Variants in ASPG observed in about 807,000 individuals in gnomAD.
ASPG encodes 60 kDa lysophospholipase.
ASPG carries 53 observed loss-of-function variants against 63.2 expected under a neutral mutation model. That is an observed-to-expected ratio of 0.84 (90% CI 0.67 to 1.05). ASPG has a LOEUF of 1.05. Ranked by LOEUF, ASPG falls within the 50% of genes least tolerant of loss-of-function variation. The pLI is 0.00. For missense variants in ASPG, 741 were observed against 794.4 expected (o/e 0.93, Z 0.81); for synonymous variants, 370 against 355.0 (o/e 1.04, Z -0.48).
At chr14:104,103,480 C>T in intron 6 of ASPG, 83 bp from the exon 7 acceptor site, 3 of 1,219,812 alleles carry the variant, frequency 2.5e-6, no homozygotes, top group East Asian at 2.6e-5. Flanking sequence ...AGGAGGCGGC[C>T]TGTGCAGAGG....
chr14:104,100,197 G>A (rs1395134035), intron 6 of ASPG, among the ~76,000 whole-genome samples: 1 of 152,190 alleles, frequency 6.6e-6, no homozygotes, highest in East Asian at 1.9e-4. Context: ...CAAGGACCCT[G>A]GGGAGCTTCA....
intron 2 of ASPG, 110 bp from the exon 3 acceptor site, chr14:104,093,381 A>G (rs1219729438): frequency 1.0e-6 from 1 of 997,462 alleles, no homozygotes. Context: ...CCCTTGGCGT[A>G]GGGGCCCCAG....
intron 11 of ASPG, 44 bp from the exon 12 acceptor site, chr14:104,107,138 G>T (rs965108108): frequency 3.3e-6 from 5 of 1,525,010 alleles, no homozygotes; most frequent in Middle Eastern, 1.8e-4. Context: ...ACCTGGCCCC[G>T]CCTGGGTCTC....
In ASPG at chr14:104,098,101, GCGTTAGAGATGCGTATGGAGGTTCTC is replaced by G. The variant is rs2036701989; in HGVS notation, c.513+475_513+500del. On this transcript the variant is annotated intron_variant, in intron 5 of 15. Transcript: ENST00000551177. ...CGTTAGAGATGCGTATGGAGGTTCTGCGTTAGAGATGCGTATGGAGGTTCTCCGTTAGAGATACGTATGGAGGTTCT... is the reference window on the plus strand; with the variant it reads ...CGTTAGAGATGCGTATGGAGGTTCTGCGTTAGAGATACGTATGGAGGTTCT... Among the ~76,000 whole-genome samples, 10 of 9,290 alleles carry G rather than the reference GCGTTAGAGATGCGTATGGAGGTTCTC, an allele frequency of 1.1e-3. 1 individual carries two copies. Among genetic ancestry groups the G allele is most frequent in the Admixed American group, 5.4e-3 (4 of 742 alleles). The allele number at this position is 9,290 out of a possible 152,430, so 6.1% of individuals were successfully genotyped here.
At position 104,112,772 on chromosome 14, in the gene ASPG, G is replaced by A; in HGVS notation, c.*228G>A. ...GGGTCCGGGACTGTGGATGTGTGTG[G>A]GGAGTCAGGCCCAGGCTCTGTGGGG... On this transcript the variant is annotated 3_prime_UTR_variant, in exon 16 of 16. Transcript: ENST00000551177. The A allele has an allele frequency of 2.0e-6, 2 of 989,432 alleles. No individual in the cohort carries two copies. Among genetic ancestry groups the A allele is most frequent in the South Asian group, 1.7e-5 (1 of 60,318 alleles). The allele number at this position is 989,432 out of a possible 1,614,324, so 61.3% of individuals were successfully genotyped here. A position where few individuals can be genotyped will look rare whatever the true frequency, so the allele number is the denominator to read the frequency against.
At position 104,109,530 on chromosome 14, in the gene ASPG, G is replaced by GCAAA. The variant is rs2037294682; in HGVS notation, c.1520+216_1520+217insAAAC. Among the ~76,000 whole-genome samples, 2 of 152,128 alleles carry GCAAA rather than the reference G, an allele frequency of 1.3e-5. No individual in the cohort carries two copies. Among genetic ancestry groups the GCAAA allele is most frequent in the Admixed American group, 1.3e-4 (2 of 15,282 alleles). On this transcript the variant is annotated intron_variant, in intron 13 of 15. Transcript: ENST00000551177. This position sits in a 1 kb window ranked among gnomAD's most constrained non-coding sequence, Gnocchi z 4.8. ...AGGGGAAGGAGTTGTTCTCAGCTGA[G>GCAAA]CGAACAGTCCAGCAAGGGTGTCTCT... is the stretch of plus-strand genomic sequence containing the variant.
Position 104,107,311 on chromosome 14 carries a change from G to A in ASPG, c.1399G>A (p.Gly467Ser), listed in dbSNP as rs756924015. Residue 467 changes from glycine (G) to serine (S), a missense_variant, in exon 12 of 16, where the codon GGC (glycine) becomes AGC (serine). Transcript: ENST00000551177. ...GGACGTGAACACCCGGGACACGGAT[G>A]GCTTCAGCCCGCTGCTGCTGGCCGT... ...GVDVNTRDTD[G>S]FSPLLLAVRG... 10 of 1,600,438 alleles carry A rather than the reference G, an allele frequency of 6.2e-6. No individual in the cohort carries two copies. In the South Asian group the frequency reaches 1.1e-4, roughly 18 times the overall value.
chr14:104,107,083 G>A, intron 11 of ASPG, 99 bp from the exon 12 acceptor site: 17 of 1,449,540 alleles, frequency 1.2e-5, no homozygotes, highest in East Asian at 2.4e-5. Flanking sequence ...CGCAGGGGCT[G>A]TGCTGGGCCC....
chr14:104,095,615 C>G lies in ASPG; in HGVS notation c.388C>G (p.Leu130Val). 1 of 1,613,100 alleles carries G rather than the reference C, an allele frequency of 6.2e-7. No individual in the cohort carries two copies. The highest frequency in any genetic ancestry group is 1.3e-5 in the African/African-American group (1 of 75,034). ...AFAASMLSFM[L>V]ENLQKTVILT... ...TGCTGCCTCGATGCTGTCCTTCATG[C>G]TGGAGAACCTGCAGAAGACTGTCAT... is the stretch of plus-strand genomic sequence containing the variant. The change falls in exon 4 of 16, where the codon CTG becomes GTG. Residue 130 changes from leucine to valine, a missense_variant. Coordinates refer to ENST00000551177, the MANE Select transcript of ASPG (RefSeq NM_001080464.3).
chr14:104,095,316 C>T (rs369925898), intron 3 of ASPG, among the ~76,000 whole-genome samples: 150 of 152,242 alleles, frequency 9.9e-4, no homozygotes, highest in African/African-American at 3.4e-3. Flanking sequence ...TGGGTGCACC[C>T]GAGTGGCATG....
chr14:104,108,697 C>G (rs999513027), intron 12 of ASPG: 2 of 985,316 alleles, frequency 2.0e-6, no homozygotes, highest in Non-Finnish European at 2.4e-6. Context: ...ACCCCACCCC[C>G]ACAGACTCCA....
chr14:104,108,429 T>C, intron 12 of ASPG: 2 of 985,348 alleles, frequency 2.0e-6, no homozygotes, highest in Non-Finnish European at 2.4e-6. Flanking sequence ...CCAACCGGTC[T>C]CCCAGCCTCG....
intron 1 of ASPG, 136 bp downstream of exon 1, chr14:104,085,988 C>T: frequency 1.2e-6 from 1 of 803,444 alleles, no homozygotes; most frequent in Non-Finnish European, 1.8e-6. Flanking sequence ...AGGTCGCTCT[C>T]CTCCGGTTCC....
intron 4 of ASPG, 72 bp downstream of exon 4, chr14:104,095,728 C>T (rs963877179): frequency 1.2e-5 from 19 of 1,583,506 alleles, no homozygotes; most frequent in African/African-American, 5.4e-5. Context: ...GCGCTGTGGG[C>T]GGCCGCTGCG....
intron 1 of ASPG, among the ~76,000 whole-genome samples, chr14:104,088,268 A>G (rs2036272426): frequency 6.6e-6 from 1 of 152,132 alleles, no homozygotes; most frequent in Admixed American, 6.5e-5. Context: ...CTGCTGGTAA[A>G]CAGTGACCTG....
At chr14:104,103,360 G>A (rs367715727) in intron 6 of ASPG, among the ~76,000 whole-genome samples, 31 of 152,266 alleles carry the variant, frequency 2.0e-4, no homozygotes, top group Non-Finnish European at 2.8e-4. Context: ...TGCACGCTGC[G>A]GAGCCTGGCA....
intron 6 of ASPG, among the ~76,000 whole-genome samples, chr14:104,100,917 G>A (rs553520601): frequency 2.4e-4 from 36 of 152,348 alleles, no homozygotes; most frequent in Admixed American, 7.2e-4. Flanking sequence ...CTTATCTGGG[G>A]CTCAGGAGTG....
intron 6 of ASPG, among the ~76,000 whole-genome samples, chr14:104,101,785 C>T (rs1192694271): frequency 6.6e-6 from 1 of 152,230 alleles, no homozygotes; most frequent in Non-Finnish European, 1.5e-5. Context: ...CCCAGCCACC[C>T]CAGCTGTGCC....
At chr14:104,095,440 C>T in intron 3 of ASPG, 91 bp from the exon 4 acceptor site, 1 of 1,568,684 alleles carries the variant, frequency 6.4e-7, no homozygotes, top group Non-Finnish European at 8.6e-7. Flanking sequence ...GAGTCCTCCT[C>T]TCTGCATCCG....
Sources: gnomAD v4.1 joint callset for allele counts (sites outside exome capture counted in the v4.1 genomes callset) on GRCh38, gnomAD v4.1.1 for gene constraint, Gnocchi (gnomAD v3.1) non-coding constraint, MANE v1.5 for transcripts, NCBI Gene and HGNC (gene_info 2026-07-23, HGNC 2026-07-21) for gene names.